Variants in EFCAB5 observed in about 807,000 individuals in gnomAD.
EFCAB5 encodes the protein EF-hand calcium binding domain 5.
EFCAB5 carries 131 observed loss-of-function variants against 167.9 expected under a neutral mutation model. That is an observed-to-expected ratio of 0.78 (90% CI 0.68 to 0.90). The LOEUF is 0.90. EFCAB5 is among the 40% of genes least tolerant of loss of function. The probability of loss-of-function intolerance (pLI) is 0.00; values close to 1 mark genes in which losing one functional copy is unlikely to be tolerated. For synonymous variants in EFCAB5, 574 were observed against 602.8 expected (o/e 0.95, Z 0.70); for missense variants, 1,663 against 1,745.2 (o/e 0.95, Z 0.84).
intron 22 of EFCAB5, among the ~76,000 whole-genome samples, chr17:30,098,020 G>A (rs1054701367): frequency 6.6e-6 from 1 of 151,942 alleles, no homozygotes; most frequent in Non-Finnish European, 1.5e-5. Flanking sequence ...CTGCAGCCTC[G>A]ACCTCCCTGG....
chr17:30,034,490 G>C, intron 8 of EFCAB5, 105 bp downstream of exon 8: 1 of 1,403,608 alleles, frequency 7.1e-7, no homozygotes, highest in Non-Finnish European at 9.5e-7. Flanking sequence ...CTTGAGCCCA[G>C]GAGTTTGAGA....
chr17:29,964,886 AG>A (rs1176232495), intron 3 of EFCAB5, among the ~76,000 whole-genome samples: 1 of 150,660 alleles, frequency 6.6e-6, no homozygotes, highest in African/African-American at 2.4e-5. Flanking sequence ...TAAGGTGTAT[AG>A]GTTACTTATT....
chr17:30,096,677 A>ATATATATATATAT (rs1193558323), intron 22 of EFCAB5, among the ~76,000 whole-genome samples: 3 of 60,122 alleles, frequency 5.0e-5, no homozygotes, highest in African/African-American at 2.5e-4. Flanking sequence ...ATATATATAT[A>ATATATATATATAT]TTTTTTTTTT....
chr17:29,935,182 T>C (rs1754511877), intron 1 of EFCAB5, among the ~76,000 whole-genome samples: 1 of 152,194 alleles, frequency 6.6e-6, no homozygotes, highest in Non-Finnish European at 1.5e-5. Flanking sequence ...TTGCCTTCAC[T>C]TGGTTGTATT....
At chr17:29,934,123 A>G (rs2067225774) in intron 1 of EFCAB5, among the ~76,000 whole-genome samples, 1 of 152,220 alleles carries the variant, frequency 6.6e-6, no homozygotes, top group Non-Finnish European at 1.5e-5. Context: ...CATTTTTTAT[A>G]CAGGATTTTA....
chr17:30,081,067 G>C, intron 17 of EFCAB5, 86 bp downstream of exon 17: 2 of 1,038,032 alleles, frequency 1.9e-6, no homozygotes, highest in Non-Finnish European at 2.8e-6. Flanking sequence ...AATCCGATGA[G>C]AGTAAAGCTG....
chr17:29,948,010 G>C (rs2067437629), intron 3 of EFCAB5, among the ~76,000 whole-genome samples: 1 of 152,056 alleles, frequency 6.6e-6, no homozygotes, highest in Non-Finnish European at 1.5e-5. Context: ...ATTTTTAGTA[G>C]AGACGGGGTT....
chr17:29,946,320 G>A (rs928159048), intron 3 of EFCAB5, among the ~76,000 whole-genome samples: 1 of 151,168 alleles, frequency 6.6e-6, no homozygotes, highest in Non-Finnish European at 1.5e-5. Context: ...TTATTAAAAT[G>A]TCAAAAAACA....
At chr17:30,033,801 G>C (rs1157692757) in intron 7 of EFCAB5, among the ~76,000 whole-genome samples, 2 of 152,144 alleles carry the variant, frequency 1.3e-5, no homozygotes, top group African/African-American at 4.8e-5. Context: ...GATCCTTGTC[G>C]CTTACACTCC....
intron 14 of EFCAB5, among the ~76,000 whole-genome samples, chr17:30,066,370 T>A (rs573429809): frequency 3.9e-5 from 6 of 152,294 alleles, no homozygotes; most frequent in East Asian, 1.9e-4. Context: ...GAAGGGAATT[T>A]AAAATTTTTT....
At chr17:30,012,911 G>T (rs988861281) in intron 7 of EFCAB5, among the ~76,000 whole-genome samples, 2 of 152,162 alleles carry the variant, frequency 1.3e-5, no homozygotes, top group Non-Finnish European at 2.9e-5. Context: ...TCCAGTTTTT[G>T]CCCATTCAGT....
At chr17:30,082,837 A>G in intron 17 of EFCAB5, 54 bp from the exon 18 acceptor site, 1 of 1,504,562 alleles carries the variant, frequency 6.6e-7, no homozygotes, top group Non-Finnish European at 9.0e-7. Context: ...CTATATTACT[A>G]ATTATTTTTC....
chr17:30,066,464 G>A (rs2070574301), intron 14 of EFCAB5, among the ~76,000 whole-genome samples: 1 of 151,074 alleles, frequency 6.6e-6, no homozygotes, highest in African/African-American at 2.4e-5. Flanking sequence ...AAAATTTCTT[G>A]GAACAAATGA....
At chr17:29,987,647 T>A (rs1051805036) in intron 4 of EFCAB5, among the ~76,000 whole-genome samples, 4 of 152,184 alleles carry the variant, frequency 2.6e-5, no homozygotes, top group Admixed American at 2.0e-4. Context: ...CTTTTGCAAT[T>A]GGTGTTTCAG....
At chr17:30,071,717 C>G (rs751441608) in intron 14 of EFCAB5, among the ~76,000 whole-genome samples, 2 of 152,080 alleles carry the variant, frequency 1.3e-5, no homozygotes, top group Non-Finnish European at 2.9e-5. Context: ...CTGCATTACT[C>G]ACAATAGCTG....
rs1242411865 is a variant in EFCAB5 at position 30,035,899 on chromosome 17, A to G, written c.1200+1514A>G. Among the ~76,000 whole-genome samples the G allele has an allele frequency of 1.3e-5, 2 of 151,734 alleles. 1 individual carries two copies. The highest frequency in any genetic ancestry group is 6.3e-3 in the Middle Eastern group (2 of 316). The stretch of plus-strand genomic sequence containing the variant: ...CAGAATAGCATATTTTAACCCCTTC[A>G]GAGGAAAGATAGAGTCTCAAAAAAA... On this transcript the variant is annotated intron_variant, in intron 8 of 22. Transcript: ENST00000394835.
chr17:29,999,826 C>A, intron 6 of EFCAB5, 80 bp from the exon 7 acceptor site: 1 of 966,922 alleles, frequency 1.0e-6, no homozygotes, highest in Non-Finnish European at 1.5e-6. Flanking sequence ...ATTTTATGTT[C>A]TTTTAAAGCA....
chr17:30,022,454 C>A (rs567077303), intron 7 of EFCAB5, among the ~76,000 whole-genome samples: 1 of 152,120 alleles, frequency 6.6e-6, no homozygotes, highest in Admixed American at 6.6e-5. Flanking sequence ...CATATAATTA[C>A]AAAGCAATGA....
chr17:30,037,296 G>T (rs2151745927), intron 8 of EFCAB5, among the ~76,000 whole-genome samples: 1 of 152,298 alleles, frequency 6.6e-6, no homozygotes, highest in Non-Finnish European at 1.5e-5. Flanking sequence ...GATGATGACT[G>T]TGAAAGTTCT....
Sources: allele counts gnomAD v4.1 joint callset (sites outside exome capture counted in the v4.1 genomes callset), GRCh38; gene constraint gnomAD v4.1.1; transcripts MANE v1.5; gene names NCBI Gene and HGNC (gene_info 2026-07-23, HGNC 2026-07-21).